DHRS4: variants seen among roughly 807,000 people sequenced by gnomAD.
DHRS4 encodes the protein dehydrogenase/reductase SDR family member 4.
Under a neutral mutation model 28.4 loss-of-function variants are expected in DHRS4, and 20 were observed. The ratio of observed to expected loss-of-function variants is 0.71; its 90% confidence interval spans 0.50 to 1.02. The LOEUF (loss-of-function observed/expected upper bound fraction) is 1.02. Among genes scored for constraint, DHRS4 ranks in the 50% least tolerant of loss-of-function variants. DHRS4 has a pLI of 0.00. For missense variants in DHRS4, 378 were observed against 367.2 expected (o/e 1.03, Z -0.24); for synonymous variants, 144 against 146.4 (o/e 0.98, Z 0.12).
intron 2 of DHRS4, 73 bp from the exon 3 acceptor site, chr14:23,959,829 T>G: frequency 1.9e-6 from 3 of 1,565,928 alleles, no homozygotes; most frequent in Non-Finnish European, 2.6e-6. Flanking sequence ...CAGAAGGAAG[T>G]TTTTATCAAC....
Position 23,954,029 on chromosome 14 carries a change from T to C in DHRS4, c.128+113T>C, listed in dbSNP as rs1382465892. On this transcript the variant is annotated intron_variant, in intron 1 of 7. Coordinates refer to ENST00000313250, the MANE Select transcript of DHRS4 (RefSeq NM_021004.4). ...TCAGACCTTACACGCTGCCAAAGTC[T>C]GGCCCTGGAAAAAAGGTAGCCACGT... is the stretch of plus-strand genomic sequence containing the variant. 4.8e-6 allele frequency: 7 copies of C among 1,472,318 alleles called. No homozygotes were observed. In the South Asian group the frequency reaches 6.7e-5, roughly 14 times the overall value. 91.2% of individuals were successfully genotyped at this position (1,472,318 alleles called of 1,614,324 possible).
At chr14:23,956,905 A>G (rs375037160) in intron 2 of DHRS4, among the ~76,000 whole-genome samples, 1 of 152,156 alleles carries the variant, frequency 6.6e-6, no homozygotes, top group South Asian at 2.1e-4. Context: ...GCCCGGCCAT[A>G]GCTTCTTAAA....
At chr14:23,967,152 T>G (rs2033656928) in intron 6 of DHRS4, 59 bp from the exon 7 acceptor site, 5 of 1,560,724 alleles carry the variant, frequency 3.2e-6, no homozygotes. Context: ...AGACTCCGTC[T>G]CTAAAAAGAA....
chr14:23,961,669 C>A (rs1200270515), intron 3 of DHRS4, among the ~76,000 whole-genome samples: 3 of 108,078 alleles, frequency 2.8e-5, no homozygotes, highest in Non-Finnish European at 5.3e-5. Context: ...CAGGCATGTG[C>A]CATCATGCCT....
rs2032954848 is a variant in DHRS4, at chr14:23,953,899, A to G, written c.111A>G (p.Val37=). The change falls in exon 1 of 8, where the codon GTA becomes GTG. Residue 37 remains valine (V), a synonymous_variant. Coordinates refer to ENST00000313250, the MANE Select transcript of DHRS4 (RefSeq NM_021004.4). ...RDPLANKVAL[V]TASTDGIGFA... is the part of the protein sequence containing the mutation. ...CGCTCGCAAATAAGGTGGCCCTGGT[A>G]ACGGCCTCCACCGACGGGTGAGTGC... 6.3e-7 allele frequency: 1 copy of G among 1,599,822 alleles called. No individual in the cohort carries two copies.
At chr14:23,962,987 T>C (rs1264050400) in intron 3 of DHRS4, among the ~76,000 whole-genome samples, 1 of 135,960 alleles carries the variant, frequency 7.4e-6, no homozygotes, top group East Asian at 2.2e-4. Context: ...ACCAGGTGCA[T>C]TGTCAATGAG....
At chr14:23,960,777 A>G (rs1404148295) in intron 3 of DHRS4, among the ~76,000 whole-genome samples, 7 of 152,092 alleles carry the variant, frequency 4.6e-5, no homozygotes, top group Non-Finnish European at 1.0e-4. Context: ...TCTGTTTTGC[A>G]TTGCTATAAA....
chr14:23,966,315 C>T lies in DHRS4; in HGVS notation c.564C>T (p.Ala188=), dbSNP rs2033615832. ...GFSPYNVSKT[A]LLGLTKTLAI... is the part of the protein sequence containing the mutation. Reference sequence around the variant, plus strand: ...GTCCTTACAATGTCAGTAAAACAGCCTTGCTGGGCCTGACCAAGACCCTGG... The same window carrying T: ...GTCCTTACAATGTCAGTAAAACAGCTTTGCTGGGCCTGACCAAGACCCTGG... Residue 188 remains alanine (A), a synonymous_variant, in exon 6 of 8, where the codon GCC becomes GCT. Transcript: ENST00000313250. 4 of 1,614,004 alleles carry T rather than the reference C, an allele frequency of 2.5e-6. No homozygotes were observed. The highest frequency in any genetic ancestry group is 1.3e-5 in the African/African-American group (1 of 74,940).
Position 23,969,064 on chromosome 14 carries a change from C to T in DHRS4, c.*193C>T. 1.6e-6 allele frequency: 2 copies of T among 1,224,040 alleles called. No individual in the cohort carries two copies. The highest frequency in any genetic ancestry group is 2.2e-6 in the Non-Finnish European group (2 of 912,094). 75.8% of individuals were successfully genotyped at this position (1,224,040 alleles called of 1,614,324 possible). ...CTCGGGATTTCTGCTGTTGTTGTGGCCTTGGGTAAAGGCCTCCCCTGAGAA... is the reference window on the plus strand; with the variant it reads ...CTCGGGATTTCTGCTGTTGTTGTGGTCTTGGGTAAAGGCCTCCCCTGAGAA... On this transcript the variant is annotated 3_prime_UTR_variant, in exon 8 of 8. Coordinates refer to ENST00000313250, the MANE Select transcript of DHRS4 (RefSeq NM_021004.4).
rs1171448362 is a variant in DHRS4, at chr14:23,962,476, T to C, written c.408+2473T>C. ...ATATTCATGGCATCTTCACCAGAAA[T>C]AGATTCCATCCCAAGAAACCACTTT... On this transcript the variant is annotated intron_variant, in intron 3 of 7. Coordinates refer to ENST00000313250, the MANE Select transcript of DHRS4 (RefSeq NM_021004.4). Among the ~76,000 whole-genome samples the C allele has an allele frequency of 1.3e-3, 199 of 151,538 alleles. 2 individuals are homozygous for C. Among genetic ancestry groups the C allele is most frequent in the African/African-American group, 4.0e-3 (163 of 41,172 alleles).
At position 23,959,203 on chromosome 14, in the gene DHRS4, G is replaced by A. The variant is rs191461756; in HGVS notation, c.307-699G>A. Among the ~76,000 whole-genome samples, 539 of 152,338 alleles carry A rather than the reference G, an allele frequency of 3.5e-3. 12 individuals carry two copies. Among genetic ancestry groups the A allele is most frequent in the Admixed American group, 0.031 (476 of 15,300 alleles). On this transcript the variant is annotated intron_variant, in intron 2 of 7. Transcript: ENST00000313250. ...TGAGAATGAAGGAGCTTCCCAAAGG[G>A]GAAGTGTAAAGAAAAGAGCGTCAGA...
chr14:23,959,681 T>G (rs1479935739), intron 2 of DHRS4, among the ~76,000 whole-genome samples: 1 of 151,450 alleles, frequency 6.6e-6, no homozygotes, highest in African/African-American at 2.4e-5. Flanking sequence ...TTGTTGTCAT[T>G]GTTGTTGTTG....
intron 2 of DHRS4, among the ~76,000 whole-genome samples, chr14:23,955,979 A>G (rs2033124733): frequency 6.6e-6 from 1 of 152,240 alleles, no homozygotes; most frequent in Non-Finnish European, 1.5e-5. Context: ...TCTACCCAAA[A>G]ATGGAAAGTA....
In DHRS4 at chr14:23,955,115, A is replaced by T; in HGVS notation, c.209A>T (p.Asp70Val). 6.2e-7 allele frequency: 1 copy of T among 1,614,116 alleles called. No individual in the cohort carries two copies. Among genetic ancestry groups the T allele is most frequent in the Non-Finnish European group, 8.5e-7 (1 of 1,179,982 alleles). Residue 70 changes from aspartate to valine, a missense_variant, in exon 2 of 8, where the codon GAC becomes GTC. Transcript: ENST00000313250. ...VVSSRKQQNVDQAVATLQGEG... is the reference protein window; with the variant it reads ...VVSSRKQQNVVQAVATLQGEG... The stretch of plus-strand genomic sequence containing the variant: ...AGCAGCCGGAAGCAGCAGAATGTGG[A>T]CCAGGCGGTGGCCACGCTGCAGGGG...
At position 23,956,732 on chromosome 14, in the gene DHRS4, C is replaced by T. The variant is rs142172236; in HGVS notation, c.306+1520C>T. Among the ~76,000 whole-genome samples the T allele has an allele frequency of 3.8e-3, 583 of 151,874 alleles. 5 individuals are homozygous for T. The highest frequency in any genetic ancestry group is 0.013 in the African/African-American group (554 of 41,404). ...AATTCTCATGCCTCAGCCTCCCGAG[C>T]AGCTAGGATTACAGGCATCCACCAC... is the stretch of plus-strand genomic sequence containing the variant. On this transcript the variant is annotated intron_variant, in intron 2 of 7. Coordinates refer to ENST00000313250, the MANE Select transcript of DHRS4 (RefSeq NM_021004.4).
At chr14:23,961,460 T>C (rs2033409489) in intron 3 of DHRS4, among the ~76,000 whole-genome samples, 1 of 128,908 alleles carries the variant, frequency 7.8e-6, no homozygotes, top group Non-Finnish European at 1.5e-5. Flanking sequence ...CCCAGAGATT[T>C]GCTGCTAACC....
At chr14:23,961,134 G>A (rs2033398971) in intron 3 of DHRS4, among the ~76,000 whole-genome samples, 1 of 151,398 alleles carries the variant, frequency 6.6e-6, no homozygotes, top group Non-Finnish European at 1.5e-5. Context: ...ATTTCAACAT[G>A]GGACTTAGAG....
At chr14:23,954,488 G>A (rs1197923741) in intron 1 of DHRS4, among the ~76,000 whole-genome samples, 4 of 152,200 alleles carry the variant, frequency 2.6e-5, no homozygotes, top group Admixed American at 1.3e-4. Context: ...CTAGATGCCA[G>A]CTCTTCACAA....
chr14:23,959,462 C>G (rs543268123), intron 2 of DHRS4, among the ~76,000 whole-genome samples: 4 of 152,054 alleles, frequency 2.6e-5, no homozygotes, highest in South Asian at 2.1e-4. Context: ...GGGGGCTGAG[C>G]CAAGAGGATG....
Sources: gnomAD v4.1 joint callset for allele counts (sites outside exome capture counted in the v4.1 genomes callset) on GRCh38, gnomAD v4.1.1 for gene constraint, MANE v1.5 for transcripts, NCBI Gene and HGNC (gene_info 2026-07-23, HGNC 2026-07-21) for gene names.